The following KDM7A variants were observed in gnomAD, a reference collection of about 807,000 sequenced individuals.
KDM7A encodes lysine-specific demethylase 7A.
In KDM7A, 28 loss-of-function variants were observed where a neutral mutation model predicts 114.8. The observed-to-expected ratio is 0.24, with a 90% CI of 0.18 to 0.33. KDM7A has a LOEUF of 0.33. Ranked by LOEUF, KDM7A falls within the 10% of genes least tolerant of loss-of-function variation. KDM7A has a pLI of 1.00. For synonymous variants in KDM7A, 423 were observed against 397.8 expected, an observed-to-expected ratio of 1.06 and a Z score of -0.75; for missense variants, 942 against 1,142.5, an observed-to-expected ratio of 0.82 and a Z score of 2.53.
Position 140,165,439 on chromosome 7 carries a change from A to C in KDM7A, c.194+11305T>G, listed in dbSNP as rs372179745. Among the ~76,000 whole-genome samples, 8 of 152,360 alleles carry C rather than the reference A, an allele frequency of 5.3e-5. No homozygotes were observed. In the East Asian group the frequency reaches 1.5e-3, roughly 29 times the overall value. On this transcript the variant is annotated intron_variant, in intron 1 of 19. Transcript: ENST00000397560. Reference sequence around the variant, plus strand: ...TAGCTAATGATAAGCTACACTTAAAAGTATGTTACAGTAGTCCCCTCCTTA... The same window carrying C: ...TAGCTAATGATAAGCTACACTTAAACGTATGTTACAGTAGTCCCCTCCTTA...
chr7:140,118,804 T>G (rs906569647), intron 9 of KDM7A, among the ~76,000 whole-genome samples: 2 of 152,136 alleles, frequency 1.3e-5, no homozygotes, highest in African/African-American at 4.8e-5. Context: ...TCAGGCACTG[T>G]TACGTGCTTG....
At chr7:140,163,720 T>C (rs1794544734) in intron 1 of KDM7A, among the ~76,000 whole-genome samples, 1 of 152,198 alleles carries the variant, frequency 6.6e-6, no homozygotes, top group Non-Finnish European at 1.5e-5. Flanking sequence ...ACATATTAAA[T>C]TATATTCCTT....
intron 1 of KDM7A, among the ~76,000 whole-genome samples, chr7:140,153,576 G>C (rs1046789372): frequency 6.6e-6 from 1 of 152,036 alleles, no homozygotes; most frequent in Non-Finnish European, 1.5e-5. Flanking sequence ...TTGTTCTGGT[G>C]AACTTTAAAA....
At chr7:140,171,525 ATATT>A (rs937174556) in intron 1 of KDM7A, among the ~76,000 whole-genome samples, 42 of 144,770 alleles carry the variant, frequency 2.9e-4, no homozygotes, top group Admixed American at 1.6e-3. Flanking sequence ...TTATAAATAT[ATATT>A]TATTTATATA....
intron 18 of KDM7A, among the ~76,000 whole-genome samples, chr7:140,093,529 CA>C: frequency 6.6e-6 from 1 of 151,510 alleles, no homozygotes; most frequent in East Asian, 1.9e-4. Context: ...CCAAGGTTTG[CA>C]AAAAAAGGTT....
intron 13 of KDM7A, among the ~76,000 whole-genome samples, chr7:140,099,646 T>A (rs1482088557): frequency 2.0e-5 from 3 of 152,200 alleles, no homozygotes; most frequent in Non-Finnish European, 2.9e-5. Context: ...AGTGGCAGCA[T>A]TAGATTGTCA....
intron 12 of KDM7A, among the ~76,000 whole-genome samples, chr7:140,100,923 G>A (rs1818216228): frequency 6.6e-6 from 1 of 150,866 alleles, no homozygotes; most frequent in Admixed American, 6.6e-5. Flanking sequence ...ACTGCGCCTG[G>A]CTAATTTTTT....
At chr7:140,128,494 A>G (rs566135246) in intron 4 of KDM7A, among the ~76,000 whole-genome samples, 1 of 152,338 alleles carries the variant, frequency 6.6e-6, no homozygotes, top group East Asian at 1.9e-4. Flanking sequence ...TTAGCTATCA[A>G]GCAGTTTGAG....
intron 1 of KDM7A, among the ~76,000 whole-genome samples, chr7:140,170,472 T>G (rs529312640): frequency 6.6e-6 from 1 of 152,324 alleles, no homozygotes; most frequent in Admixed American, 6.5e-5. Flanking sequence ...TCTACCCCCT[T>G]GACAGCATGA....
In KDM7A at chr7:140,128,996, T is replaced by C. The variant is rs184569620; in HGVS notation, c.559+497A>G. On this transcript the variant is annotated intron_variant, in intron 4 of 19. Transcript: ENST00000397560. ...AAGTCCAGACATCATTAAATGGCAA[T>C]ATTCACCAAGTCATTATTATAAAAA... Among the ~76,000 whole-genome samples the C allele has an allele frequency of 1.2e-3, 183 of 152,334 alleles. 2 individuals carry two copies. Among genetic ancestry groups the C allele is most frequent in the Admixed American group, 0.012 (182 of 15,296 alleles).
At chr7:140,155,532 C>T (rs1010791420) in intron 1 of KDM7A, among the ~76,000 whole-genome samples, 2 of 152,196 alleles carry the variant, frequency 1.3e-5, no homozygotes, top group African/African-American at 2.4e-5. Flanking sequence ...ACCAGTGTAT[C>T]AGAATACGGA....
intron 7 of KDM7A, among the ~76,000 whole-genome samples, chr7:140,123,152 T>A (rs142582570): frequency 8.3e-4 from 127 of 152,214 alleles, no homozygotes; most frequent in Non-Finnish European, 1.6e-3. Context: ...TCATGACACA[T>A]CACACCCACT....
At chr7:140,140,400 C>G (rs1473016942) in intron 1 of KDM7A, among the ~76,000 whole-genome samples, 2 of 152,176 alleles carry the variant, frequency 1.3e-5, no homozygotes, top group Non-Finnish European at 2.9e-5. Context: ...TCTTAGCAAG[C>G]TTAGAGGATA....
intron 9 of KDM7A, among the ~76,000 whole-genome samples, chr7:140,114,004 CAAAT>C (rs1818473115): frequency 1.3e-5 from 2 of 151,926 alleles, no homozygotes; most frequent in Non-Finnish European, 2.9e-5. Context: ...AGAAAGGTTT[CAAAT>C]AAAAGGATGG....
chr7:140,135,095 A>C (rs1306752723), intron 2 of KDM7A, among the ~76,000 whole-genome samples: 1 of 151,678 alleles, frequency 6.6e-6, no homozygotes, highest in Admixed American at 6.6e-5. Flanking sequence ...ACTTCCTAGG[A>C]AATTCCATTA....
intron 2 of KDM7A, among the ~76,000 whole-genome samples, chr7:140,135,174 A>C (rs1345582508): frequency 6.8e-6 from 1 of 147,168 alleles, no homozygotes; most frequent in African/African-American, 2.5e-5. Flanking sequence ...TTCATTCCAG[A>C]TTTTTTCTAC....
intron 3 of KDM7A, among the ~76,000 whole-genome samples, chr7:140,132,464 A>T (rs1211577834): frequency 2.0e-5 from 3 of 152,166 alleles, no homozygotes; most frequent in Non-Finnish European, 2.9e-5. Context: ...TAAATTATAC[A>T]TACCATTTTA....
chr7:140,166,325 C>G (rs1298465238), intron 1 of KDM7A, among the ~76,000 whole-genome samples: 1 of 145,406 alleles, frequency 6.9e-6, no homozygotes, highest in Non-Finnish European at 1.5e-5. Flanking sequence ...TTGAGGAATA[C>G]TTTTTTTTCC....
intron 1 of KDM7A, among the ~76,000 whole-genome samples, chr7:140,174,592 G>C (rs141695163): frequency 2.0e-5 from 3 of 152,126 alleles, no homozygotes; most frequent in Non-Finnish European, 4.4e-5. Context: ...ATTGCATAAT[G>C]AGACAAGTTT....
Sources: allele counts gnomAD v4.1 joint callset (sites outside exome capture counted in the v4.1 genomes callset), GRCh38; gene constraint gnomAD v4.1.1; transcripts MANE v1.5; gene names NCBI Gene and HGNC (gene_info 2026-07-23, HGNC 2026-07-21).